Variants in CAAP1 observed in about 807,000 individuals in gnomAD.
CAAP1 encodes caspase activity and apoptosis inhibitor 1, also known as conserved anti-apoptotic protein.
A neutral mutation model predicts 34.0 loss-of-function variants in CAAP1; 20 were observed. The ratio of observed to expected loss-of-function variants is 0.59; its 90% CI spans 0.41 to 0.86. The LOEUF (loss-of-function observed/expected upper bound fraction) is 0.86. CAAP1 is among the 40% of genes least tolerant of loss of function. The pLI, the probability that CAAP1 is intolerant of heterozygous loss-of-function variation, is 0.00. For missense variants in CAAP1, 538 were observed against 450.5 expected (o/e 1.19, Z -1.76); for synonymous variants, 213 against 166.7 (o/e 1.28, Z -2.14).
At chr9:26,884,744 A>G (rs1823686727) in intron 4 of CAAP1, 66 bp downstream of exon 4, 1 of 1,051,106 alleles carries the variant, frequency 9.5e-7, no homozygotes, top group South Asian at 1.3e-5. Context: ...CATATCTTTG[A>G]CATAAGAAAT....
At position 26,884,898 on chromosome 9, in the gene CAAP1, A is replaced by T. The variant is rs758367295; in HGVS notation, c.590-13T>A. 6.4e-7 allele frequency: 1 copy of T among 1,573,104 alleles called. No homozygotes were observed. The highest frequency in any genetic ancestry group is 1.1e-5 in the South Asian group (1 of 89,000). On this transcript the variant is annotated splice_polypyrimidine_tract_variant and intron_variant, in intron 3 of 5. Transcript: ENST00000333916. Reference sequence around the variant, plus strand: ...ATTCCATTGTCACCTTATAAATGAAAGAAACTATTGAAAGCACACTTATAA... The same window carrying T: ...ATTCCATTGTCACCTTATAAATGAATGAAACTATTGAAAGCACACTTATAA...
At chr9:26,870,719 T>A (rs569510165) in intron 4 of CAAP1, among the ~76,000 whole-genome samples, 1 of 151,576 alleles carries the variant, frequency 6.6e-6, no homozygotes, top group South Asian at 2.1e-4. Context: ...CCGGTTCAGG[T>A]GATCCCCCTG....
At chr9:26,879,616 C>G (rs1232515095) in intron 4 of CAAP1, among the ~76,000 whole-genome samples, 1 of 152,232 alleles carries the variant, frequency 6.6e-6, no homozygotes, top group East Asian at 1.9e-4. Context: ...CAGACCCATC[C>G]TCAATCGGTG....
chr9:26,842,375 G>C lies in CAAP1; in HGVS notation c.1012C>G (p.Leu338Val). 6.2e-7 allele frequency: 1 copy of C among 1,614,082 alleles called. No individual in the cohort carries two copies. Among genetic ancestry groups the C allele is most frequent in the Non-Finnish European group, 8.5e-7 (1 of 1,180,006 alleles). ...DVQPSAQQLE[L>V]LELEMRARAI... ...CTTGCCCTCATCTCAAGTTCTAGCA[G>C]CTCCAGTTGCTGTGCAGAAGGTTGA... Residue 338 changes from leucine (L) to valine (V), a missense_variant, in exon 6 of 6, where the codon CTG becomes GTG. Physicochemically the swap from Leu to Val is conservative, Grantham distance 32. Coordinates refer to ENST00000333916, the MANE Select transcript of CAAP1 (RefSeq NM_024828.4).
At chr9:26,851,430 G>A (rs894693159) in intron 5 of CAAP1, among the ~76,000 whole-genome samples, 1 of 152,060 alleles carries the variant, frequency 6.6e-6, no homozygotes, top group African/African-American at 2.4e-5. Context: ...ATGCACAGGT[G>A]AGAATATATA....
chr9:26,878,836 T>A (rs1053023050), intron 4 of CAAP1, among the ~76,000 whole-genome samples: 6 of 152,000 alleles, frequency 3.9e-5, no homozygotes, highest in African/African-American at 1.4e-4. Flanking sequence ...ATCCAACGCT[T>A]TCCTCTAGGA....
At chr9:26,867,387 A>T (rs184625082) in intron 4 of CAAP1, among the ~76,000 whole-genome samples, 22 of 152,244 alleles carry the variant, frequency 1.4e-4, no homozygotes, top group African/African-American at 4.8e-4. Context: ...ATAAAGATAC[A>T]TGCAAGTGAT....
At chr9:26,861,032 A>T in intron 5 of CAAP1, 34 bp downstream of exon 5, 1 of 1,452,552 alleles carries the variant, frequency 6.9e-7, no homozygotes, top group Middle Eastern at 1.9e-4. Context: ...TCTTCAGGTA[A>T]ATTTTATACA....
chr9:26,887,005 G>A (rs1823758732), intron 2 of CAAP1, among the ~76,000 whole-genome samples: 1 of 152,162 alleles, frequency 6.6e-6, no homozygotes, highest in South Asian at 2.1e-4. Context: ...CACGAGGTCA[G>A]GAGTTCGAGA....
chr9:26,869,515 A>C (rs1823222855), intron 4 of CAAP1, among the ~76,000 whole-genome samples: 1 of 149,688 alleles, frequency 6.7e-6, no homozygotes, highest in Non-Finnish European at 1.5e-5. Flanking sequence ...TGAATGTGGA[A>C]AAAAAAACCA....
At chr9:26,879,602 G>A (rs1014788759) in intron 4 of CAAP1, among the ~76,000 whole-genome samples, 1 of 152,208 alleles carries the variant, frequency 6.6e-6, no homozygotes, top group African/African-American at 2.4e-5. Context: ...TGGACTGGGA[G>A]AGGCAGACCC....
chr9:26,878,800 G>C, intron 4 of CAAP1, among the ~76,000 whole-genome samples: 1 of 150,884 alleles, frequency 6.6e-6, no homozygotes, highest in East Asian at 1.9e-4. Flanking sequence ...GGGGGACAGA[G>C]TGAGACAGTG....
intron 4 of CAAP1, among the ~76,000 whole-genome samples, chr9:26,868,584 A>C (rs907861065): frequency 6.6e-6 from 1 of 152,220 alleles, no homozygotes; most frequent in African/African-American, 2.4e-5. Flanking sequence ...TAAACCACTA[A>C]GTTTGTGGTA....
At chr9:26,874,095 T>C (rs1823356753) in intron 4 of CAAP1, among the ~76,000 whole-genome samples, 1 of 149,980 alleles carries the variant, frequency 6.7e-6, no homozygotes, top group African/African-American at 2.5e-5. Context: ...TGGTCCCAGC[T>C]GCTCGGGAGG....
At chr9:26,857,372 C>CTG (rs1822895289) in intron 5 of CAAP1, among the ~76,000 whole-genome samples, 1 of 152,236 alleles carries the variant, frequency 6.6e-6, no homozygotes, top group African/African-American at 2.4e-5. Context: ...TGGCTCACGC[C>CTG]TGTAATCCCA....
chr9:26,848,402 G>C (rs895241166), intron 5 of CAAP1, among the ~76,000 whole-genome samples: 1 of 152,178 alleles, frequency 6.6e-6, no homozygotes, highest in Non-Finnish European at 1.5e-5. Context: ...TGTAGTCCCA[G>C]ATACTCAGGA....
chr9:26,876,747 G>A (rs1270761670), intron 4 of CAAP1, among the ~76,000 whole-genome samples: 12 of 152,066 alleles, frequency 7.9e-5, no homozygotes, highest in Non-Finnish European at 1.3e-4. Context: ...AATCTGATCC[G>A]AAATCCAAAA....
intron 5 of CAAP1, among the ~76,000 whole-genome samples, chr9:26,844,560 G>A (rs541065055): frequency 2.1e-4 from 32 of 152,044 alleles, no homozygotes; most frequent in South Asian, 1.0e-3. Flanking sequence ...GATAATGAAT[G>A]AAGAGCTGAA....
At chr9:26,872,135 T>G (rs1469404973) in intron 4 of CAAP1, among the ~76,000 whole-genome samples, 1 of 152,142 alleles carries the variant, frequency 6.6e-6, no homozygotes, top group East Asian at 1.9e-4. Context: ...CTGCTCTCAA[T>G]AAGACAACTG....
Sources: allele counts gnomAD v4.1 joint callset (sites outside exome capture counted in the v4.1 genomes callset), GRCh38; gene constraint gnomAD v4.1.1; transcripts MANE v1.5; gene names NCBI Gene and HGNC (gene_info 2026-07-23, HGNC 2026-07-21).